DNAH12: variants seen among roughly 807,000 people sequenced by gnomAD.
DNAH12 encodes axonemal beta dynein heavy chain 12.
In DNAH12, 285 loss-of-function variants were observed where a neutral mutation model predicts 371.5. The ratio of observed to expected loss-of-function variants is 0.77; its 90% CI spans 0.70 to 0.85. DNAH12 has a LOEUF of 0.85. DNAH12 is among the 40% of genes least tolerant of loss of function. The pLI is 0.00. For missense variants in DNAH12, 3,611 were observed against 3,689.4 expected (o/e 0.98, Z 0.55); for synonymous variants, 1,200 against 1,213.0 (o/e 0.99, Z 0.22).
intron 11 of DNAH12, 147 bp from the exon 12 acceptor site, chr3:57,489,834 A>G (rs1390663752): frequency 1.3e-6 from 1 of 777,142 alleles, no homozygotes; most frequent in African/African-American, 1.9e-5. Context: ...CTTGTTGCAT[A>G]CATATTTTTT....
intron 43 of DNAH12, among the ~76,000 whole-genome samples, chr3:57,400,930 A>G (rs1000544238): frequency 1.2e-4 from 18 of 152,208 alleles, no homozygotes; most frequent in African/African-American, 4.3e-4. Context: ...TCAAGTGCAC[A>G]TGAAACATTC....
At chr3:57,353,829 C>T (rs2062738062) in intron 59 of DNAH12, among the ~76,000 whole-genome samples, 1 of 152,054 alleles carries the variant, frequency 6.6e-6, no homozygotes, top group Non-Finnish European at 1.5e-5. Flanking sequence ...AATGGGATAC[C>T]ATCTCACACC....
Position 57,452,952 on chromosome 3 carries a change from T to C in DNAH12, c.3677A>G (p.Asn1226Ser), listed in dbSNP as rs1350202564. Residue 1226 changes from asparagine (N) to serine (S), a missense_variant, in exon 25 of 74, where the codon AAT (asparagine) becomes AGT (serine). Asn to Ser is a conservative substitution (Grantham distance 46, BLOSUM62 1). Transcript: ENST00000495027. ...GCAATTAATGATACGAACTCGGGCA[T>C]TCTCATTTTCCCAATAATATCGGAG... ...AQLRYYWENE[N>S]ARVRIINCNV... 6.4e-7 allele frequency: 1 copy of C among 1,551,336 alleles called. No homozygotes were observed. The highest frequency in any genetic ancestry group is 2.4e-5 in the East Asian group (1 of 40,900).
At chr3:57,446,742 AACAG>A in intron 25 of DNAH12, 53 bp from the exon 26 acceptor site, 4 of 1,386,170 alleles carry the variant, frequency 2.9e-6, no homozygotes, top group Non-Finnish European at 2.8e-6. Context: ...TTAAAAAAAC[AACAG>A]ACACTTGTTT....
At chr3:57,511,703 G>A (rs1375366823) in intron 4 of DNAH12, among the ~76,000 whole-genome samples, 1 of 152,152 alleles carries the variant, frequency 6.6e-6, no homozygotes, top group Non-Finnish European at 1.5e-5. Context: ...AGAAAGCCTG[G>A]TGTAGCACAG....
chr3:57,407,305 G>A (rs1575558024), intron 40 of DNAH12, among the ~76,000 whole-genome samples: 3 of 151,028 alleles, frequency 2.0e-5, no homozygotes, highest in African/African-American at 7.3e-5. Flanking sequence ...AAAGCCGGGG[G>A]TAGGGAGGTG....
chr3:57,420,126 T>G (rs1449241223), intron 36 of DNAH12, among the ~76,000 whole-genome samples: 1 of 152,204 alleles, frequency 6.6e-6, no homozygotes, highest in African/African-American at 2.4e-5. Flanking sequence ...ATACTGAAAT[T>G]CTTCTGAATC....
At chr3:57,493,694 C>A (rs2067210159) in intron 11 of DNAH12, 1 of 150,508 alleles carries the variant, frequency 6.6e-6, no homozygotes, top group Non-Finnish European at 1.5e-5. Context: ...TGAGTTATCT[C>A]ATTTGATTGT....
intron 38 of DNAH12, among the ~76,000 whole-genome samples, chr3:57,415,096 G>C (rs990453435): frequency 2.6e-5 from 4 of 151,886 alleles, no homozygotes; most frequent in Non-Finnish European, 5.9e-5. Context: ...TTTCTCCCTG[G>C]GTCTCCCCAC....
In DNAH12 at chr3:57,446,009, ATAAATAAATAAATAAT is replaced by A. The variant is rs772447101; in HGVS notation, c.4179+6_4179+21del. The A allele has an allele frequency of 7.6e-6, 11 of 1,440,166 alleles. No homozygotes were observed. Among genetic ancestry groups the A allele is most frequent in the Admixed American group, 5.6e-5 (2 of 36,000 alleles). The allele number at this position is 1,440,166 out of a possible 1,614,324, so 89.2% of individuals were successfully genotyped here. ...TCAAAAACATAAAATAAATAAATAA[ATAAATAAATAAATAAT>A]ATTACCTTAAGATTGTCCGGCAATT... On this transcript the variant is annotated splice_donor_region_variant and intron_variant, in intron 27 of 73. Coordinates refer to ENST00000495027, the MANE Select transcript of DNAH12 (RefSeq NM_001366028.2).
intron 21 of DNAH12, 42 bp from the exon 22 acceptor site, chr3:57,458,045 C>T (rs778923502): frequency 6.5e-7 from 1 of 1,539,098 alleles, no homozygotes. Flanking sequence ...AGTTATAATT[C>T]ATCACACATA....
chr3:57,416,374 G>C (rs1437013468), intron 37 of DNAH12, among the ~76,000 whole-genome samples: 1 of 152,194 alleles, frequency 6.6e-6, no homozygotes, highest in Non-Finnish European at 1.5e-5. Flanking sequence ...TTACAGACAG[G>C]AGCCACTGGG....
chr3:57,310,323 G>A (rs895545103), intron 67 of DNAH12, among the ~76,000 whole-genome samples: 1 of 152,046 alleles, frequency 6.6e-6, no homozygotes, highest in African/African-American at 2.4e-5. Context: ...CAACTGCATC[G>A]TTTGGTTTTC....
chr3:57,467,139 T>C (rs527621303), intron 17 of DNAH12, among the ~76,000 whole-genome samples: 1 of 151,998 alleles, frequency 6.6e-6, no homozygotes, highest in Non-Finnish European at 1.5e-5. Context: ...TTGAGTAATT[T>C]TGGAGTCTCG....
chr3:57,434,082 C>CTG (rs1047209973), intron 30 of DNAH12, among the ~76,000 whole-genome samples: 3 of 152,286 alleles, frequency 2.0e-5, no homozygotes, highest in Admixed American at 1.3e-4. Context: ...AACTTATTAT[C>CTG]TGTGTACTCT....
Position 57,504,140 on chromosome 3 carries a change from T to C in DNAH12, c.962A>G (p.Gln321Arg). ...TTCTATCTTAAATATTGGCAGCCTT[T>C]GTTGATCTTTTGGGTCAAAGAGTTT... is the stretch of plus-strand genomic sequence containing the variant. ...FVKLFDPKDQ[Q>R]RLPIFKIELT... The change falls in exon 9 of 74, where the codon CAA becomes CGA. Residue 321 changes from glutamine (Q) to arginine (R), a missense_variant. Coordinates refer to ENST00000495027, the MANE Select transcript of DNAH12 (RefSeq NM_001366028.2). 1 of 1,614,010 alleles carries C rather than the reference T, an allele frequency of 6.2e-7. No individual in the cohort carries two copies. Among genetic ancestry groups the C allele is most frequent in the Non-Finnish European group, 8.5e-7 (1 of 1,179,970 alleles).
At chr3:57,522,108 C>T (rs1348517035) in intron 4 of DNAH12, among the ~76,000 whole-genome samples, 1 of 149,540 alleles carries the variant, frequency 6.7e-6, no homozygotes, top group Non-Finnish European at 1.5e-5. Flanking sequence ...TCTGTAATCC[C>T]AGCTACTCAG....
At chr3:57,302,077 C>T (rs2061359217) in intron 69 of DNAH12, 138 bp from the exon 70 acceptor site, 8 of 784,282 alleles carry the variant, frequency 1.0e-5, no homozygotes, top group Admixed American at 2.7e-5. Context: ...TGTGGTGGTA[C>T]GTGAGCTAAT....
rs1204398978 is a variant in DNAH12, at chr3:57,296,343, C to A, written c.11624+1G>T. Reference sequence around the variant, plus strand: ...AGGTCCTGGCAGCTGAATCCACTGACCTTTCTCGGTCCCAGCGTGCGCCAT... The same window carrying A: ...AGGTCCTGGCAGCTGAATCCACTGAACTTTCTCGGTCCCAGCGTGCGCCAT... On this transcript the variant is annotated splice_donor_variant, in intron 72 of 73. Transcript: ENST00000495027. LOFTEE classifies it high-confidence loss of function. 1 of 1,544,514 alleles carries A rather than the reference C, an allele frequency of 6.5e-7. No individual in the cohort carries two copies. The highest frequency in any genetic ancestry group is 8.8e-7 in the Non-Finnish European group (1 of 1,141,914).
Sources: allele counts gnomAD v4.1 joint callset (sites outside exome capture counted in the v4.1 genomes callset), GRCh38; gene constraint gnomAD v4.1.1; transcripts MANE v1.5; gene names NCBI Gene and HGNC (gene_info 2026-07-23, HGNC 2026-07-21).